The following EIF4A1 variants were observed in gnomAD, a reference collection of about 807,000 sequenced individuals.
EIF4A1 encodes eukaryotic initiation factor 4A-I.
EIF4A1 carries 11 observed loss-of-function variants against 53.5 expected under a neutral mutation model. The observed-to-expected ratio is 0.21, with a 90% CI of 0.13 to 0.34. The LOEUF (loss-of-function observed/expected upper bound fraction) is 0.34. EIF4A1 is among the 10% of genes least tolerant of loss of function. EIF4A1 has a pLI of 1.00. For missense variants in EIF4A1, 213 were observed against 530.8 expected (o/e 0.40, Z 5.88); for synonymous variants, 237 against 186.7 (o/e 1.27, Z -2.20).
In EIF4A1 at chr17:7,578,642, C is replaced by A; in HGVS notation, c.*156C>A. The A allele has an allele frequency of 1.1e-5, 9 of 791,936 alleles. No individual in the cohort carries two copies. Among genetic ancestry groups the A allele is most frequent in the Admixed American group, 3.8e-5 (1 of 25,998 alleles). 49.1% of individuals were successfully genotyped at this position (791,936 alleles called of 1,614,324 possible). On this transcript the variant is annotated 3_prime_UTR_variant, in exon 11 of 11. Transcript: ENST00000293831. ...TTGAGGCAAAAGAAGGAACCGTGAA[C>A]ATTTTAGACACCCTTTTCTTTGGGG...
intron 3 of EIF4A1, 106 bp from the exon 4 acceptor site, chr17:7,575,013 T>G: frequency 4.1e-6 from 6 of 1,469,802 alleles, no homozygotes; most frequent in Non-Finnish European, 5.6e-6. Context: ...TTGTGAGCCA[T>G]GAAATGCTTG....
rs750914819 is a variant in EIF4A1 at position 7,572,877 on chromosome 17, T to A, written c.23+13T>A. ...GCCAGGATTCCCGGTAAGAAAGGCA[T>A]TTGCAAGAGATTGTGGCTGCTTATT... On this transcript the variant is annotated intron_variant, in intron 1 of 10. Coordinates refer to ENST00000293831, the MANE Select transcript of EIF4A1 (RefSeq NM_001416.4). The A allele has an allele frequency of 6.2e-7, 1 of 1,614,016 alleles. No homozygotes were observed. The highest frequency in any genetic ancestry group is 1.7e-5 in the Admixed American group (1 of 60,002).
In EIF4A1 at chr17:7,574,541, C is replaced by G; in HGVS notation, c.73-5C>G. ...CTCAAGCTTTAATTTCTTTGCATCC[C>G]CTAGAGTAACTGGAATGAGATTGTT... On this transcript the variant is annotated splice_region_variant and splice_polypyrimidine_tract_variant and intron_variant, in intron 2 of 10. Transcript: ENST00000293831. The G allele has an allele frequency of 6.2e-7, 1 of 1,612,820 alleles. No individual in the cohort carries two copies. Among genetic ancestry groups the G allele is most frequent in the Non-Finnish European group, 8.5e-7 (1 of 1,179,944 alleles).
chr17:7,574,276 C>A lies in EIF4A1; in HGVS notation c.40C>A (p.Pro14Thr). ...SQDSRSRDNG[P>T]DGMEPEGVIE... is the part of the protein sequence containing the mutation. Reference sequence around the variant, plus strand: ...AACCAACAGATCCAGAGACAATGGCCCCGATGGGATGGAGCCCGAAGGCGT... The same window carrying A: ...AACCAACAGATCCAGAGACAATGGCACCGATGGGATGGAGCCCGAAGGCGT... Residue 14 changes from proline to threonine, a missense_variant, in exon 2 of 11, where the codon CCC (proline) becomes ACC (threonine). Around this residue, in one of 4 missense-constraint regions of EIF4A1, gnomAD observed 53 missense variants for 34.0 expected, o/e 1.56. Coordinates refer to ENST00000293831, the MANE Select transcript of EIF4A1 (RefSeq NM_001416.4). 1 of 1,614,178 alleles carries A rather than the reference C, an allele frequency of 6.2e-7. No homozygotes were observed. The highest frequency in any genetic ancestry group is 8.5e-7 in the Non-Finnish European group (1 of 1,180,032).
chr17:7,574,315 C>G lies in EIF4A1; in HGVS notation c.72+7C>G, dbSNP rs111773551. Reference sequence around the variant, plus strand: ...GCCCGAAGGCGTCATCGAGGTGAGACTGGAGAAATGGAATTCTGTCCTCCC... The same window carrying G: ...GCCCGAAGGCGTCATCGAGGTGAGAGTGGAGAAATGGAATTCTGTCCTCCC... On this transcript the variant is annotated splice_region_variant and intron_variant, in intron 2 of 10. Transcript: ENST00000293831. 12 of 1,614,196 alleles carry G rather than the reference C, an allele frequency of 7.4e-6. No individual in the cohort carries two copies. Among genetic ancestry groups the G allele is most frequent in the Admixed American group, 1.7e-5 (1 of 60,032 alleles).
rs1397134582 is a variant in EIF4A1 at position 7,574,341 on chromosome 17, C to T, written c.72+33C>T. ...TGGAGAAATGGAATTCTGTCCTCCCCCATTACAACTTTCAGCCGTATAGAG... is the reference window on the plus strand; with the variant it reads ...TGGAGAAATGGAATTCTGTCCTCCCTCATTACAACTTTCAGCCGTATAGAG... On this transcript the variant is annotated intron_variant, in intron 2 of 10. Coordinates refer to ENST00000293831, the MANE Select transcript of EIF4A1 (RefSeq NM_001416.4). 1.9e-6 allele frequency: 3 copies of T among 1,613,940 alleles called. No individual in the cohort carries two copies. The African/African-American group carries it at 4.0e-5, about 22-fold the overall frequency.
At chr17:7,576,437 G>A (rs910781316) in intron 4 of EIF4A1, 87 bp from the exon 5 acceptor site, 9 of 1,472,730 alleles carry the variant, frequency 6.1e-6, no homozygotes, top group African/African-American at 2.8e-5. Context: ...AAAGTTGTTG[G>A]TTAGGAATCA....
At chr17:7,572,885 A>G in intron 1 of EIF4A1, 21 bp downstream of exon 1, 1 of 1,614,098 alleles carries the variant, frequency 6.2e-7, no homozygotes, top group Non-Finnish European at 8.5e-7. Context: ...CATTTGCAAG[A>G]GATTGTGGCT....
chr17:7,575,153 T>A lies in EIF4A1; in HGVS notation c.240T>A (p.Thr80=). ...YDVIAQAQSG[T]GKTATFAISI... is the part of the protein sequence containing the mutation. ...TGATTGCTCAAGCCCAATCTGGGAC[T>A]GGGAAAACGGCCACATTTGCCATAT... The change falls in exon 4 of 11, where the codon ACT becomes ACA. Residue 80 remains threonine (T), a synonymous_variant. Coordinates refer to ENST00000293831, the MANE Select transcript of EIF4A1 (RefSeq NM_001416.4). The A allele has an allele frequency of 6.2e-7, 1 of 1,612,448 alleles. No individual in the cohort carries two copies. Among genetic ancestry groups the A allele is most frequent in the Non-Finnish European group, 8.5e-7 (1 of 1,180,004 alleles).
chr17:7,574,572 C>G lies in EIF4A1; in HGVS notation c.99C>G (p.Ser33Arg), dbSNP rs1415163964. ...GTAACTGGAATGAGATTGTTGACAG[C>G]TTTGATGACATGAACCTCTCGGAGT... ...IESNWNEIVD[S>R]FDDMNLSESL... is the part of the protein sequence containing the mutation. Residue 33 changes from serine (S) to arginine (R), a missense_variant, in exon 3 of 11, where the codon AGC becomes AGG. Physicochemically the swap from Ser to Arg is moderately radical, Grantham distance 110 (BLOSUM62 -1). Transcript: ENST00000293831. 2 of 1,612,260 alleles carry G rather than the reference C, an allele frequency of 1.2e-6. No individual in the cohort carries two copies. Among genetic ancestry groups the G allele is most frequent in the Admixed American group, 3.3e-5 (2 of 59,992 alleles).
In EIF4A1 at chr17:7,572,950, C is replaced by T. The variant is rs533256492; in HGVS notation, c.23+86C>T. 1.2e-4 allele frequency: 195 copies of T among 1,611,784 alleles called. No homozygotes were observed. The Middle Eastern group carries it at 1.3e-3, about 11-fold the overall frequency. ...CCGCCGGGGGTAGCTGAGAGGCCCA[C>T]CAGGGTTGCGGGAGAAACCGAACCG... On this transcript the variant is annotated intron_variant, in intron 1 of 10. Transcript: ENST00000293831.
At chr17:7,578,308 C>T in intron 10 of EIF4A1, 34 bp from the exon 11 acceptor site, 1 of 1,613,418 alleles carries the variant, frequency 6.2e-7, no homozygotes, top group Non-Finnish European at 8.5e-7. Flanking sequence ...GCTTAAAGCT[C>T]CTGATATTCC....
At chr17:7,573,002 G>C in intron 1 of EIF4A1, 138 bp downstream of exon 1, 3 of 1,512,838 alleles carry the variant, frequency 2.0e-6, no homozygotes, top group Non-Finnish European at 1.8e-6. Flanking sequence ...GACTTGGAGG[G>C]GCGAGGGGGA....
At chr17:7,575,733 T>G (rs1021963304) in intron 4 of EIF4A1, 2 of 282,368 alleles carry the variant, frequency 7.1e-6, no homozygotes, top group African/African-American at 4.4e-5. Flanking sequence ...CAGTGATTAT[T>G]CTGGGTGTGG....
intron 2 of EIF4A1, 64 bp from the exon 3 acceptor site, chr17:7,574,482 C>G: frequency 6.2e-7 from 1 of 1,605,896 alleles, no homozygotes; most frequent in Non-Finnish European, 8.5e-7. Context: ...TCTGTTTGCT[C>G]GGAGACTACA....
intron 9 of EIF4A1, 83 bp from the exon 10 acceptor site, chr17:7,578,082 G>A (rs1252245312): frequency 1.3e-6 from 2 of 1,596,040 alleles, no homozygotes; most frequent in South Asian, 2.2e-5. Context: ...TTCCTTGGCT[G>A]CCCACATGGA....
At chr17:7,575,431 T>C (rs1257724323) in intron 4 of EIF4A1, 173 bp downstream of exon 4, 5 of 1,005,696 alleles carry the variant, frequency 5.0e-6, no homozygotes. Flanking sequence ...ACGTAACCAT[T>C]GCTTCCTCCA....
chr17:7,574,007 C>T (rs2071365082), intron 1 of EIF4A1: 1 of 515,678 alleles, frequency 1.9e-6, no homozygotes, highest in East Asian at 3.3e-5. Flanking sequence ...GGCGGCACGC[C>T]TGCCGGCCTG....
chr17:7,578,111 C>T, intron 9 of EIF4A1, 54 bp from the exon 10 acceptor site: 1 of 1,612,068 alleles, frequency 6.2e-7, no homozygotes, highest in Non-Finnish European at 8.5e-7. Context: ...TGTCTTCCCT[C>T]CGGGATAGAG....
Sources: gnomAD v4.1 joint callset for allele counts on GRCh38, gnomAD v4.1.1 for gene constraint, gnomAD v4.1.1 regional missense constraint, MANE v1.5 for transcripts, NCBI Gene and HGNC (gene_info 2026-07-23, HGNC 2026-07-21) for gene names.